The following LIPG variants were observed in gnomAD, a reference collection of about 807,000 sequenced individuals.
LIPG encodes endothelial lipase.
A neutral mutation model predicts 51.8 loss-of-function variants in LIPG; 34 were observed. The ratio of observed to expected loss-of-function variants is 0.66; its 90% CI spans 0.50 to 0.87. The LOEUF is 0.87. Ranked by LOEUF, LIPG falls within the 40% of genes least tolerant of loss-of-function variation. The pLI, the probability that LIPG is intolerant of heterozygous loss-of-function variation, is 0.00. For missense variants in LIPG, 580 were observed against 652.7 expected, an observed-to-expected ratio of 0.89 and a Z score of 1.21; for synonymous variants, 246 against 246.1, an observed-to-expected ratio of 1.00 and a Z score of 0.00.
chr18:49,565,288 T>C (rs529752129), intron 1 of LIPG, 29 bp from the exon 2 acceptor site: 1 of 1,611,492 alleles, frequency 6.2e-7, no homozygotes, highest in Admixed American at 1.7e-5. Context: ...GTCTGCTAGA[T>C]GCACCCACGC....
At position 49,590,482 on chromosome 18, in the gene LIPG, C is replaced by G; in HGVS notation, c.1482-19C>G. 1 of 1,599,106 alleles carries G rather than the reference C, an allele frequency of 6.3e-7. No homozygotes were observed. The highest frequency in any genetic ancestry group is 2.2e-5 in the East Asian group (1 of 44,570). On this transcript the variant is annotated intron_variant, in intron 9 of 9. Coordinates refer to ENST00000261292, the MANE Select transcript of LIPG (RefSeq NM_006033.4). Reference sequence around the variant, plus strand: ...GGTGTGTGAGCTAACAAATGCCACTCTCACACGGTTTCTTTCAGTCCCACT... The same window carrying G: ...GGTGTGTGAGCTAACAAATGCCACTGTCACACGGTTTCTTTCAGTCCCACT...
intron 4 of LIPG, among the ~76,000 whole-genome samples, chr18:49,572,215 G>A (rs1007539964): frequency 2.0e-5 from 3 of 152,174 alleles, no homozygotes; most frequent in African/African-American, 7.2e-5. Flanking sequence ...AGCTACTCAG[G>A]AGGCTGAAGC....
chr18:49,579,659 G>T (rs1016277708), intron 5 of LIPG, among the ~76,000 whole-genome samples: 1 of 151,950 alleles, frequency 6.6e-6, no homozygotes, highest in Non-Finnish European at 1.5e-5. Context: ...TCCCTCTCCC[G>T]GTTTAATCCA....
intron 4 of LIPG, among the ~76,000 whole-genome samples, chr18:49,572,187 G>C (rs2084670741): frequency 6.6e-6 from 1 of 152,160 alleles, no homozygotes; most frequent in Non-Finnish European, 1.5e-5. Flanking sequence ...GGGCATGGTG[G>C]TGGGTGCCTG....
intron 8 of LIPG, among the ~76,000 whole-genome samples, chr18:49,586,238 T>TCTAGTACTAGTACTC (rs1399302059): frequency 6.6e-6 from 1 of 152,222 alleles, no homozygotes; most frequent in Non-Finnish European, 1.5e-5. Context: ...CTAGAGGTAC[T>TCTAGTACTAGTACTC]TTGAATCACT....
chr18:49,562,062 C>G lies in LIPG; in HGVS notation c.-247C>G. The G allele has an allele frequency of 6.9e-7, 1 of 1,439,924 alleles. No individual in the cohort carries two copies. Among genetic ancestry groups the G allele is most frequent in the Non-Finnish European group, 9.1e-7 (1 of 1,104,880 alleles). 89.2% of individuals were successfully genotyped at this position (1,439,924 alleles called of 1,614,324 possible). ...TACCTCTATAGGAGCGTGACAGCAGCGAGTCCTTGCCTCCCGGCGGCTCAG... is the reference window on the plus strand; with the variant it reads ...TACCTCTATAGGAGCGTGACAGCAGGGAGTCCTTGCCTCCCGGCGGCTCAG... On this transcript the variant is annotated 5_prime_UTR_variant, in exon 1 of 10. Coordinates refer to ENST00000261292, the MANE Select transcript of LIPG (RefSeq NM_006033.4).
intron 1 of LIPG, among the ~76,000 whole-genome samples, chr18:49,562,782 A>G (rs992422276): frequency 6.6e-6 from 1 of 152,158 alleles, no homozygotes; most frequent in Admixed American, 6.5e-5. Context: ...GAAGGCTGTC[A>G]GAGCTGTGTC....
At chr18:49,571,483 T>C (rs9964363) in intron 4 of LIPG, among the ~76,000 whole-genome samples, 3,146 of 152,308 alleles carry the variant, frequency 0.021, 116 homozygotes, top group African/African-American at 0.073. Flanking sequence ...TGCTAATTAG[T>C]GCTCTGGGAT....
chr18:49,578,521 C>T (rs1294059521), intron 5 of LIPG, among the ~76,000 whole-genome samples: 43 of 143,958 alleles, frequency 3.0e-4, no homozygotes, highest in African/African-American at 1.0e-3. Context: ...CGGGCGGAGA[C>T]GCTCCTCACT....
At chr18:49,578,230 G>C (rs1459014316) in intron 5 of LIPG, among the ~76,000 whole-genome samples, 7 of 147,834 alleles carry the variant, frequency 4.7e-5, no homozygotes, top group Non-Finnish European at 7.5e-5. Context: ...CTCAGACGGG[G>C]CGGCTGCCGG....
chr18:49,581,281 C>A, intron 5 of LIPG, 134 bp from the exon 6 acceptor site: 1 of 1,352,994 alleles, frequency 7.4e-7, no homozygotes, highest in East Asian at 2.3e-5. Flanking sequence ...AATAAACAAG[C>A]AAAAGAATTA....
In LIPG at chr18:49,565,317, A is replaced by G. The variant is rs1175471470; in HGVS notation, c.98A>G (p.Asp33Gly). 6.2e-7 allele frequency: 1 copy of G among 1,613,954 alleles called. No individual in the cohort carries two copies. The highest frequency in any genetic ancestry group is 8.5e-7 in the Non-Finnish European group (1 of 1,180,010). ...CCCACGCTCTGTTCTGTCTCCCCAG[A>G]TAAGCTCCACAAACCCAAAGCTACA... ...VPFGPEGRLE[D>G]KLHKPKATQT... The change falls in exon 2 of 10, where the codon GAT (aspartate) becomes GGT (glycine). Residue 33 changes from aspartate (D) to glycine (G), a missense_variant and splice_region_variant. Physicochemically the swap from Asp to Gly is moderately conservative, Grantham distance 94 (BLOSUM62 -1). Coordinates refer to ENST00000261292, the MANE Select transcript of LIPG (RefSeq NM_006033.4).
chr18:49,586,957 CAG>C, intron 9 of LIPG, 107 bp downstream of exon 9: 7 of 832,954 alleles, frequency 8.4e-6, no homozygotes, highest in Non-Finnish European at 1.2e-5. Flanking sequence ...ATGAACAAAA[CAG>C]ATAAAAATCT....
intron 1 of LIPG, 121 bp from the exon 2 acceptor site, chr18:49,565,196 A>G (rs1454004255): frequency 1.8e-5 from 15 of 843,882 alleles, no homozygotes; most frequent in African/African-American, 5.0e-5. Flanking sequence ...CATTCAGCAG[A>G]TGTAAAAACC....
At chr18:49,583,295 AGT>A (rs2084843441) in intron 7 of LIPG, among the ~76,000 whole-genome samples, 1 of 152,170 alleles carries the variant, frequency 6.6e-6, no homozygotes, top group Non-Finnish European at 1.5e-5. Flanking sequence ...AAGTAGCATA[AGT>A]GGGGTGGAGG....
intron 5 of LIPG, among the ~76,000 whole-genome samples, chr18:49,578,708 G>A (rs1316008382): frequency 6.7e-6 from 1 of 150,196 alleles, no homozygotes; most frequent in African/African-American, 2.4e-5. Context: ...CCGAGATCAC[G>A]CCACTGCACT....
At chr18:49,587,130 C>T (rs553336306) in intron 9 of LIPG, among the ~76,000 whole-genome samples, 2 of 148,122 alleles carry the variant, frequency 1.4e-5, no homozygotes, top group South Asian at 4.3e-4. Context: ...AAAAGAATGC[C>T]GGGCATGGTG....
At chr18:49,579,408 G>T (rs1197500554) in intron 5 of LIPG, among the ~76,000 whole-genome samples, 1 of 151,578 alleles carries the variant, frequency 6.6e-6, no homozygotes, top group Non-Finnish European at 1.5e-5. Flanking sequence ...GAGATTACAG[G>T]CGCAAACCAC....
chr18:49,590,442 G>T, intron 9 of LIPG, 59 bp from the exon 10 acceptor site: 4 of 1,562,844 alleles, frequency 2.6e-6, no homozygotes, highest in Non-Finnish European at 2.6e-6. Flanking sequence ...CTGAATACAG[G>T]TTTGCGCGTT....
Sources: allele counts gnomAD v4.1 joint callset (sites outside exome capture counted in the v4.1 genomes callset), GRCh38; gene constraint gnomAD v4.1.1; transcripts MANE v1.5; gene names NCBI Gene and HGNC (gene_info 2026-07-23, HGNC 2026-07-21).